Variants in RAB37 observed in about 807,000 individuals in gnomAD.
RAB37 encodes RAB37, member RAS oncogene family, also known as ras-related protein Rab-37.
In RAB37, 29 loss-of-function variants were observed where a neutral mutation model predicts 33.1. The observed-to-expected ratio is 0.88, with a 90% confidence interval of 0.65 to 1.20. RAB37 has a LOEUF of 1.20. Ranked by LOEUF, RAB37 falls within the 50% of genes most tolerant of loss-of-function variation. RAB37 has a pLI of 0.00. For missense variants in RAB37, 299 were observed against 301.1 expected (o/e 0.99, Z 0.05); for synonymous variants, 128 against 119.5 (o/e 1.07, Z -0.47).
chr17:74,705,325 G>T lies in RAB37; in HGVS notation c.73-23931G>T, dbSNP rs1206960089. 15 of 680,424 alleles carry T rather than the reference G, an allele frequency of 2.2e-5. No homozygotes were observed. The Admixed American group carries it at 3.0e-4, about 14-fold the overall frequency. 42.1% of individuals were successfully genotyped at this position (680,424 alleles called of 1,614,324 possible). On this transcript the variant is annotated intron_variant, in intron 1 of 7. Transcript: ENST00000340415. ...AGTGGTTCTGGAATAAACCACCCTGGATGAATGCCTTTGAAGTTGATCAAA... is the reference window on the plus strand; with the variant it reads ...AGTGGTTCTGGAATAAACCACCCTGTATGAATGCCTTTGAAGTTGATCAAA...
intron 1 of RAB37, among the ~76,000 whole-genome samples, chr17:74,685,936 AAAC>A (rs946052029): frequency 2.0e-5 from 3 of 152,190 alleles, no homozygotes; most frequent in African/African-American, 7.2e-5. Context: ...GTGGAGGAGC[AAAC>A]AACAGCATCC....
intron 1 of RAB37, among the ~76,000 whole-genome samples, chr17:74,691,586 T>G (rs1181468808): frequency 6.6e-6 from 1 of 152,172 alleles, no homozygotes; most frequent in Non-Finnish European, 1.5e-5. Flanking sequence ...CAGATGAAGG[T>G]AGAAGCAGCC....
intron 1 of RAB37, among the ~76,000 whole-genome samples, chr17:74,737,748 C>T (rs957416542): frequency 6.6e-6 from 1 of 152,160 alleles, no homozygotes; most frequent in African/African-American, 2.4e-5. Context: ...ACGTCCCCTG[C>T]TGGCAGAGGA....
At chr17:74,713,887 G>C (rs1418811686) in intron 1 of RAB37, among the ~76,000 whole-genome samples, 3 of 100,374 alleles carry the variant, frequency 3.0e-5, no homozygotes, top group African/African-American at 1.2e-4. Flanking sequence ...ACATGGCAAG[G>C]CTTCATCTCC....
At chr17:74,737,481 GGAGA>G (rs1404636245) in intron 1 of RAB37, 116 bp downstream of exon 1, 1 of 1,190,816 alleles carries the variant, frequency 8.4e-7, no homozygotes, top group African/African-American at 1.5e-5. Flanking sequence ...GAGGAGGGAG[GGAGA>G]GAGGGTCAGG....
rs1455050093 is a variant in RAB37, at chr17:74,676,890, C to A, written c.72+5232C>A. On this transcript the variant is annotated intron_variant, in intron 1 of 7. Transcript: ENST00000340415. This position sits in a 1 kb window ranked among gnomAD's most constrained non-coding sequence, Gnocchi z 4.1. Reference sequence around the variant, plus strand: ...CCTCCAGGCTTGGCACGGTGGCTCACACCTGTAATCCCAGCACTTTGGGAG... The same window carrying A: ...CCTCCAGGCTTGGCACGGTGGCTCAAACCTGTAATCCCAGCACTTTGGGAG... Among the ~76,000 whole-genome samples, 2 of 152,168 alleles carry A rather than the reference C, an allele frequency of 1.3e-5. No homozygotes were observed. Among genetic ancestry groups the A allele is most frequent in the Non-Finnish European group, 2.9e-5 (2 of 68,038 alleles).
At chr17:74,697,368 T>G (rs1232005981) in intron 1 of RAB37, among the ~76,000 whole-genome samples, 8 of 149,898 alleles carry the variant, frequency 5.3e-5, no homozygotes, top group Non-Finnish European at 1.0e-4. Flanking sequence ...AAATGGGGGG[T>G]TTTCCCCTGG....
At position 74,695,830 on chromosome 17, in the gene RAB37, G is replaced by A. The variant is rs2032408709; in HGVS notation, c.72+24172G>A. ...CCAGCTGCAGGGTCAGGTCTGCATA[G>A]CAGAGGTCGCCCTCCAGGGGCTGCA... is the stretch of plus-strand genomic sequence containing the variant. On this transcript the variant is annotated intron_variant, in intron 1 of 7. Coordinates refer to the RAB37 transcript ENST00000340415. 6 of 1,614,090 alleles carry A rather than the reference G, an allele frequency of 3.7e-6. No homozygotes were observed. The African/African-American group carries it at 4.0e-5, about 11-fold the overall frequency.
intron 1 of RAB37, among the ~76,000 whole-genome samples, chr17:74,672,060 G>A (rs4567756): frequency 5.3e-5 from 8 of 152,164 alleles, no homozygotes; most frequent in African/African-American, 1.7e-4. Flanking sequence ...TCTGAAATTA[G>A]ATAAATGGTC....
Position 74,742,415 on chromosome 17 carries a change from C to T in RAB37, c.246+120C>T, listed in dbSNP as rs570648460. 2.3e-5 allele frequency: 17 copies of T among 737,294 alleles called. 1 individual carries two copies. The highest frequency in any genetic ancestry group is 1.3e-4 in the African/African-American group (7 of 55,342). The allele number at this position is 737,294 out of a possible 1,614,324, so 45.7% of individuals were successfully genotyped here. A position where few individuals can be genotyped will look rare whatever the true frequency, so the allele number is the denominator to read the frequency against. On this transcript the variant is annotated intron_variant, in intron 3 of 8. Coordinates refer to ENST00000392613, the MANE Select transcript of RAB37 (RefSeq NM_001006638.3). This position sits in a 1 kb window ranked among gnomAD's most constrained non-coding sequence, Gnocchi z 4.0. The stretch of plus-strand genomic sequence containing the variant: ...CTGGGGCAATTTCCTGTGGGGCCCA[C>T]GGGAGGAAATGGCTTTTGTTTATTT...
chr17:74,734,536 C>T (rs75099099), upstream of RAB37, among the ~76,000 whole-genome samples: 1 of 152,144 alleles, frequency 6.6e-6, no homozygotes, highest in Non-Finnish European at 1.5e-5. Context: ...CCACCATTTC[C>T]CTCCTGCAAT....
At chr17:74,703,278 A>T (rs2033228575) in intron 1 of RAB37, 4 of 650,434 alleles carry the variant, frequency 6.1e-6, no homozygotes, top group Non-Finnish European at 5.3e-6. Context: ...AGCCTGGACC[A>T]CTCATGTCTC....
chr17:74,674,031 G>A (rs979808868), intron 1 of RAB37, among the ~76,000 whole-genome samples: 1 of 152,144 alleles, frequency 6.6e-6, no homozygotes, highest in African/African-American at 2.4e-5. Context: ...ATTGATTAGT[G>A]TCTATTGTCC....
chr17:74,728,977 C>A (rs1001955245), intron 1 of RAB37, among the ~76,000 whole-genome samples: 1 of 147,362 alleles, frequency 6.8e-6, no homozygotes, highest in African/African-American at 2.5e-5. Context: ...CATGTGTGTA[C>A]GTGTATGTGT....
intron 2 of RAB37, among the ~76,000 whole-genome samples, 155 bp downstream of exon 2, chr17:74,741,033 G>A (rs1439186330): frequency 6.6e-6 from 1 of 152,104 alleles, no homozygotes; most frequent in Non-Finnish European, 1.5e-5. Flanking sequence ...CCACAGAGGT[G>A]GCCGGGTCAA....
chr17:74,719,585 G>A (rs749908046), intron 1 of RAB37, among the ~76,000 whole-genome samples: 14 of 151,986 alleles, frequency 9.2e-5, no homozygotes, highest in Admixed American at 2.0e-4. Context: ...ATAGCTCAAT[G>A]CAGCTGTAAT....
chr17:74,705,334 C>G (rs2033420738), intron 1 of RAB37: 1 of 675,456 alleles, frequency 1.5e-6, no homozygotes, highest in Admixed American at 2.0e-5. Flanking sequence ...GGATGAATGC[C>G]TTTGAAGTTG....
chr17:74,681,027 C>T (rs577112943), intron 1 of RAB37, among the ~76,000 whole-genome samples: 5 of 152,342 alleles, frequency 3.3e-5, no homozygotes, highest in African/African-American at 9.6e-5. Context: ...ATATTTACTG[C>T]GCACCACATG....
At chr17:74,698,814 C>T (rs1325090831) in intron 1 of RAB37, among the ~76,000 whole-genome samples, 5 of 152,108 alleles carry the variant, frequency 3.3e-5, no homozygotes, top group South Asian at 2.1e-4. Context: ...ACCCCGGTGA[C>T]GTGCAATTTA....
Sources: allele counts gnomAD v4.1 joint callset (sites outside exome capture counted in the v4.1 genomes callset), GRCh38; gene constraint gnomAD v4.1.1; non-coding constraint Gnocchi (gnomAD v3.1); transcripts MANE v1.5; gene names NCBI Gene and HGNC (gene_info 2026-07-23, HGNC 2026-07-21).